The following DNER variants were observed in gnomAD, a reference collection of about 807,000 sequenced individuals.
DNER encodes delta/notch like EGF repeat containing, also known as delta and Notch-like epidermal growth factor-related receptor.
DNER carries 33 observed loss-of-function variants against 78.2 expected under a neutral mutation model. The ratio of observed to expected loss-of-function variants is 0.42; its 90% CI spans 0.32 to 0.56. The LOEUF (loss-of-function observed/expected upper bound fraction) is 0.56. Among genes scored for constraint, DNER ranks in the 20% least tolerant of loss-of-function variants. DNER has a pLI of 0.11. For synonymous variants in DNER, 417 were observed against 384.8 expected (o/e 1.08, Z -0.98); for missense variants, 918 against 975.3 (o/e 0.94, Z 0.78).
intron 5 of DNER, among the ~76,000 whole-genome samples, chr2:229,524,286 A>T (rs1362930310): frequency 6.6e-6 from 1 of 152,180 alleles, no homozygotes; most frequent in African/African-American, 2.4e-5. Context: ...CAAGTAATTT[A>T]TATTATTTAT....
chr2:229,626,315 T>C (rs955257706), intron 1 of DNER, among the ~76,000 whole-genome samples: 3 of 152,220 alleles, frequency 2.0e-5, no homozygotes, highest in African/African-American at 7.2e-5. Context: ...CGCAATCCGC[T>C]GTTCAAACCA....
In DNER at chr2:229,512,847, G is replaced by C; in HGVS notation, c.1083C>G (p.Asn361Lys). Residue 361 changes from asparagine to lysine, a missense_variant, in exon 6 of 13, where the codon AAC becomes AAG. Transcript: ENST00000341772. ...DACQRKPCQNNASCIDANEKQ... is the reference protein window; with the variant it reads ...DACQRKPCQNKASCIDANEKQ... Reference sequence around the variant, plus strand: ...TTTCATTTGCATCAATACAGCTCGCGTTGTTTTGGCAAGGTTTCCTCTGGC... The same window carrying C: ...TTTCATTTGCATCAATACAGCTCGCCTTGTTTTGGCAAGGTTTCCTCTGGC... 4 of 1,614,148 alleles carry C rather than the reference G, an allele frequency of 2.5e-6. No homozygotes were observed. Among genetic ancestry groups the C allele is most frequent in the Non-Finnish European group, 3.4e-6 (4 of 1,180,020 alleles).
chr2:229,374,297 T>C (rs769766101), intron 11 of DNER, among the ~76,000 whole-genome samples: 7 of 152,166 alleles, frequency 4.6e-5, no homozygotes, highest in Non-Finnish European at 1.0e-4. Context: ...CTATAGTCAG[T>C]ACCTGGGCGA....
At chr2:229,386,982 A>C (rs945552157) in intron 11 of DNER, among the ~76,000 whole-genome samples, 5 of 152,288 alleles carry the variant, frequency 3.3e-5, no homozygotes, top group African/African-American at 9.6e-5. Context: ...CTGGGTATAT[A>C]CCCAAAGGAT....
intron 9 of DNER, among the ~76,000 whole-genome samples, chr2:229,416,847 A>T (rs1431967489): frequency 2.0e-5 from 3 of 152,302 alleles, no homozygotes; most frequent in Middle Eastern, 3.4e-3. Context: ...GGGATCAGAG[A>T]TATTGAATGT....
intron 4 of DNER, among the ~76,000 whole-genome samples, chr2:229,565,733 C>T (rs1697093460): frequency 6.6e-6 from 1 of 152,242 alleles, no homozygotes; most frequent in East Asian, 1.9e-4. Context: ...TAATAGGACA[C>T]CTTTTTAAAA....
intron 1 of DNER, among the ~76,000 whole-genome samples, chr2:229,610,066 G>T (rs1055087088): frequency 4.9e-4 from 74 of 152,228 alleles, no homozygotes; most frequent in African/African-American, 1.8e-3. Context: ...TGTCATTTGT[G>T]TTTTAAGTTC....
chr2:229,508,608 G>T (rs895209698), intron 6 of DNER, among the ~76,000 whole-genome samples: 1 of 152,122 alleles, frequency 6.6e-6, no homozygotes, highest in Non-Finnish European at 1.5e-5. Context: ...CAGGCTGGGC[G>T]CGGTGGCTCA....
At chr2:229,710,624 A>G (rs754037966) in intron 1 of DNER, among the ~76,000 whole-genome samples, 1 of 152,134 alleles carries the variant, frequency 6.6e-6, no homozygotes, top group African/African-American at 2.4e-5. Context: ...TTAGATTTTC[A>G]TATACAGTTT....
intron 1 of DNER, among the ~76,000 whole-genome samples, chr2:229,627,916 A>G (rs1473822932): frequency 1.3e-5 from 2 of 152,162 alleles, no homozygotes; most frequent in Non-Finnish European, 2.9e-5. Flanking sequence ...TGGCGCAACA[A>G]TGGTTCCCAC....
In DNER at chr2:229,714,401, G is replaced by A. The variant is rs954714895; in HGVS notation, c.23C>T (p.Ala8Val). ...CGCGGGCAGCAGCTGCGCACCGGGCGCCTGGGCGCGGCGGGGCTGCATGGC... is the reference window on the plus strand; with the variant it reads ...CGCGGGCAGCAGCTGCGCACCGGGCACCTGGGCGCGGCGGGGCTGCATGGC... MQPRRAQ[A>V]PGAQLLPALA... The change falls in exon 1 of 13, where the codon GCG becomes GTG. Residue 8 changes from alanine to valine, a missense_variant. By Grantham distance (64) the Ala-to-Val change is moderately conservative. Coordinates refer to ENST00000341772, the MANE Select transcript of DNER (RefSeq NM_139072.4). 1.5e-4 allele frequency: 175 copies of A among 1,174,310 alleles called. No homozygotes were observed. The highest frequency in any genetic ancestry group is 1.7e-4 in the Non-Finnish European group (162 of 954,324). The allele number at this position is 1,174,310 out of a possible 1,614,324, so 72.7% of individuals were successfully genotyped here. A position where few individuals can be genotyped will look rare whatever the true frequency, so the allele number is the denominator to read the frequency against.
At chr2:229,642,300 A>G (rs1698639663) in intron 1 of DNER, among the ~76,000 whole-genome samples, 1 of 152,148 alleles carries the variant, frequency 6.6e-6, no homozygotes, top group South Asian at 2.1e-4. Flanking sequence ...TTTACCCGAG[A>G]AACAATTCAC....
chr2:229,358,424 T>A lies in DNER; in HGVS notation c.*116A>T. The A allele has an allele frequency of 1.2e-6, 1 of 842,968 alleles. No homozygotes were observed. The highest frequency in any genetic ancestry group is 1.7e-6 in the Non-Finnish European group (1 of 579,558). 52.2% of individuals were successfully genotyped at this position (842,968 alleles called of 1,614,324 possible). ...GCTGCAGAAAATTAGTTCTTAAATA[T>A]TCTACTGAAAACTCTTGAGCAGCTA... On this transcript the variant is annotated 3_prime_UTR_variant, in exon 13 of 13. Coordinates refer to ENST00000341772, the MANE Select transcript of DNER (RefSeq NM_139072.4).
intron 1 of DNER, among the ~76,000 whole-genome samples, chr2:229,640,511 T>C (rs1698599019): frequency 6.6e-6 from 1 of 151,974 alleles, no homozygotes; most frequent in Non-Finnish European, 1.5e-5. Flanking sequence ...TATGTGAGAC[T>C]ATTCAAAATA....
intron 5 of DNER, among the ~76,000 whole-genome samples, chr2:229,537,240 AC>A (rs754999303): frequency 5.3e-5 from 8 of 152,162 alleles, no homozygotes; most frequent in Non-Finnish European, 7.3e-5. Flanking sequence ...GCCAAAAAAA[AC>A]CCAAAAATGT....
intron 7 of DNER, among the ~76,000 whole-genome samples, chr2:229,464,455 C>T (rs1429421437): frequency 2.6e-5 from 4 of 151,894 alleles, no homozygotes; most frequent in Non-Finnish European, 5.9e-5. Context: ...ATCAACTCTC[C>T]CTTAATTTGG....
intron 5 of DNER, among the ~76,000 whole-genome samples, chr2:229,515,648 T>A (rs935052912): frequency 1.9e-5 from 1 of 52,644 alleles, no homozygotes; most frequent in African/African-American, 8.2e-5. Flanking sequence ...TATTTTTTTA[T>A]TTTTTTTTTT....
chr2:229,542,608 T>C (rs1696536963), intron 5 of DNER, among the ~76,000 whole-genome samples: 2 of 151,802 alleles, frequency 1.3e-5, no homozygotes. Context: ...TGCTATGGAG[T>C]GGATTCTTAC....
chr2:229,551,879 C>T (rs1038448117), intron 4 of DNER, among the ~76,000 whole-genome samples: 9 of 151,940 alleles, frequency 5.9e-5, no homozygotes, highest in Non-Finnish European at 1.0e-4. Context: ...TTGCAGTGAA[C>T]GGAGATTGCA....
Sources: allele counts gnomAD v4.1 joint callset (sites outside exome capture counted in the v4.1 genomes callset), GRCh38; gene constraint gnomAD v4.1.1; transcripts MANE v1.5; gene names NCBI Gene and HGNC (gene_info 2026-07-23, HGNC 2026-07-21).